HSPA4L: variants seen among roughly 807,000 people sequenced by gnomAD.
HSPA4L encodes the protein heat shock 70 kDa protein 4L.
In HSPA4L, 48 loss-of-function variants were observed where a neutral mutation model predicts 100.3. The ratio of observed to expected loss-of-function variants is 0.48; its 90% CI spans 0.38 to 0.61. HSPA4L has a LOEUF of 0.61. Ranked by LOEUF, HSPA4L falls within the 20% of genes least tolerant of loss-of-function variation. The probability of loss-of-function intolerance (pLI) is 0.00; values close to 1 mark genes in which losing one functional copy is unlikely to be tolerated. For synonymous variants in HSPA4L, 319 were observed against 328.2 expected, an observed-to-expected ratio of 0.97 and a Z score of 0.30; for missense variants, 886 against 988.6, an observed-to-expected ratio of 0.90 and a Z score of 1.39.
At chr4:127,815,650 A>G (rs1432020311) in intron 12 of HSPA4L, among the ~76,000 whole-genome samples, 1 of 152,018 alleles carries the variant, frequency 6.6e-6, no homozygotes, top group Non-Finnish European at 1.5e-5. Flanking sequence ...TATTTTTTTA[A>G]TTCCACATAT....
At chr4:127,802,398 T>C (rs1174681585) in intron 6 of HSPA4L, among the ~76,000 whole-genome samples, 1 of 152,212 alleles carries the variant, frequency 6.6e-6, no homozygotes. Context: ...TCCAGACTTA[T>C]GATCTCTCTC....
At position 127,833,553 on chromosome 4, in the gene HSPA4L, G is replaced by A. The variant is rs935486630; in HGVS notation, c.*679G>A. On this transcript the variant is annotated 3_prime_UTR_variant, in exon 19 of 19. Transcript: ENST00000296464. ...TCTCAGAGTAACTCGTTGTCTTTTC[G>A]CTTGAAATTTTTGATCTTGTCCTGA... The A allele has an allele frequency of 3.3e-5, 5 of 152,026 alleles. No individual in the cohort carries two copies. Among genetic ancestry groups the A allele is most frequent in the African/African-American group, 1.2e-4 (5 of 41,400 alleles). 9.4% of individuals were successfully genotyped at this position (152,026 alleles called of 1,614,324 possible).
intron 1 of HSPA4L, among the ~76,000 whole-genome samples, chr4:127,785,605 T>C (rs1193965486): frequency 6.6e-6 from 1 of 152,056 alleles, no homozygotes; most frequent in Non-Finnish European, 1.5e-5. Context: ...GCCTAGCTAT[T>C]TTTGTATTTT....
chr4:127,789,892 A>C (rs1184527399), intron 1 of HSPA4L, among the ~76,000 whole-genome samples: 1 of 152,210 alleles, frequency 6.6e-6, no homozygotes, highest in African/African-American at 2.4e-5. Context: ...TTTTTCTGAA[A>C]ATACTTGGCA....
intron 3 of HSPA4L, 72 bp from the exon 4 acceptor site, chr4:127,798,515 C>G (rs879746843): frequency 1.9e-5 from 27 of 1,459,088 alleles, no homozygotes; most frequent in Non-Finnish European, 2.5e-5. Flanking sequence ...ATCACATATA[C>G]AGTAGGTGCT....
chr4:127,782,602 G>T lies in HSPA4L; in HGVS notation c.52G>T (p.Ala18Ser). Residue 18 changes from alanine to serine, a missense_variant, in exon 1 of 19, where the codon GCG (alanine) becomes TCG (serine). Physicochemically the swap from Ala to Ser is moderately conservative, Grantham distance 99 (BLOSUM62 1). Transcript: ENST00000296464. Reference protein sequence around the residue: ...LGFLNCYIAVARSGGIETIAN... With the variant: ...LGFLNCYIAVSRSGGIETIAN... Reference sequence around the variant, plus strand: ...CTTTCTCAACTGCTACATTGCTGTCGCGAGAAGTGGCGGCATCGAGACCAT... The same window carrying T: ...CTTTCTCAACTGCTACATTGCTGTCTCGAGAAGTGGCGGCATCGAGACCAT... The T allele has an allele frequency of 6.2e-7, 1 of 1,613,994 alleles. No homozygotes were observed. The highest frequency in any genetic ancestry group is 8.5e-7 in the Non-Finnish European group (1 of 1,179,954).
rs1038893030 is a variant in HSPA4L, at chr4:127,830,819, G to T, written c.2328+20G>T. 2.0e-6 allele frequency: 3 copies of T among 1,503,586 alleles called. No individual in the cohort carries two copies. Among genetic ancestry groups the T allele is most frequent in the Non-Finnish European group, 2.7e-6 (3 of 1,125,532 alleles). 93.1% of individuals were successfully genotyped at this position (1,503,586 alleles called of 1,614,324 possible). ...TCAAAGGTAAGAAGTTTATGAAATTGCCTTTTTAATGGTTTCAAGTATTAA... is the reference window on the plus strand; with the variant it reads ...TCAAAGGTAAGAAGTTTATGAAATTTCCTTTTTAATGGTTTCAAGTATTAA... On this transcript the variant is annotated intron_variant, in intron 18 of 18. Coordinates refer to ENST00000296464, the MANE Select transcript of HSPA4L (RefSeq NM_014278.4).
intron 13 of HSPA4L, among the ~76,000 whole-genome samples, chr4:127,818,748 G>A (rs1158549789): frequency 6.6e-6 from 1 of 151,860 alleles, no homozygotes; most frequent in East Asian, 1.9e-4. Flanking sequence ...GGAGGGTGGA[G>A]GAGGGAGGGA....
Position 127,821,363 on chromosome 4 carries a change from CTT to C in HSPA4L, c.1812+801_1812+802del, listed in dbSNP as rs533332101. The stretch of plus-strand genomic sequence containing the variant: ...TGTATATAAAATGAGATTTTCTTAA[CTT>C]TTGAATGTCTCATTATTTTCACTTC... On this transcript the variant is annotated intron_variant, in intron 14 of 18. Coordinates refer to ENST00000296464, the MANE Select transcript of HSPA4L (RefSeq NM_014278.4). Among the ~76,000 whole-genome samples the C allele has an allele frequency of 5.7e-4, 86 of 152,146 alleles. 1 individual carries two copies. Among genetic ancestry groups the C allele is most frequent in the African/African-American group, 2.0e-3 (83 of 41,506 alleles).
intron 1 of HSPA4L, among the ~76,000 whole-genome samples, chr4:127,791,092 C>T (rs1420393403): frequency 4.6e-5 from 7 of 151,792 alleles, no homozygotes; most frequent in Non-Finnish European, 1.0e-4. Context: ...CAGAGCAAGA[C>T]CCTGTCTCCA....
At position 127,808,052 on chromosome 4, in the gene HSPA4L, T is replaced by C. The variant is rs1161713443; in HGVS notation, c.1301T>C (p.Phe434Ser). 2 of 1,612,926 alleles carry C rather than the reference T, an allele frequency of 1.2e-6. No homozygotes were observed. The highest frequency in any genetic ancestry group is 2.7e-5 in the African/African-American group (2 of 74,880). Residue 434 changes from phenylalanine to serine, a missense_variant, in exon 11 of 19, where the codon TTC (phenylalanine) becomes TCC (serine). By Grantham distance (155) the Phe-to-Ser change is radical (BLOSUM62 -2). Transcript: ENST00000296464. ...HPAPFSKVIT[F>S]HKKEPFELEA... ...GCCCCATTCTCAAAAGTCATTACTT[T>C]CCACAAGAAGGAACCATTTGAACTA...
chr4:127,783,528 C>G, intron 1 of HSPA4L: 1 of 1,498,910 alleles, frequency 6.7e-7, no homozygotes, highest in Non-Finnish European at 8.8e-7. Context: ...TCCACATGTT[C>G]CGTTGTTTCT....
chr4:127,782,294 A>G, upstream of HSPA4L: 2 of 472,022 alleles, frequency 4.2e-6, no homozygotes, highest in Non-Finnish European at 3.8e-6. Flanking sequence ...AGGTCCCAGT[A>G]ACCGCCGGTT....
In HSPA4L at chr4:127,835,775, T is replaced by TA. The variant is rs1734192611; in HGVS notation, c.*2904dup. The TA allele has an allele frequency of 6.6e-6, 1 of 150,728 alleles. No individual in the cohort carries two copies. The highest frequency in any genetic ancestry group is 2.4e-5 in the African/African-American group (1 of 40,966). 9.3% of individuals were successfully genotyped at this position (150,728 alleles called of 1,614,324 possible). On this transcript the variant is annotated 3_prime_UTR_variant, in exon 19 of 19. Coordinates refer to ENST00000296464, the MANE Select transcript of HSPA4L (RefSeq NM_014278.4). ...AGAATTTGGCTATTGAAATAACAGA[T>TA]AAACTTGATTTTGAAAAGGATAACA...
At position 127,803,694 on chromosome 4, in the gene HSPA4L, C is replaced by T; in HGVS notation, c.729C>T (p.Tyr243=). Reference sequence around the variant, plus strand: ...ACTTTGATGAGGCTTTAGTAGACTACTTCTGTGATGAGTTCAAGACCAAAT... The same window carrying T: ...ACTTTGATGAGGCTTTAGTAGACTATTTCTGTGATGAGTTCAAGACCAAAT... ...GRNFDEALVD[Y]FCDEFKTKYK... Residue 243 remains tyrosine, a synonymous_variant, in exon 7 of 19, where the codon TAC becomes TAT. Transcript: ENST00000296464. The T allele has an allele frequency of 6.2e-7, 1 of 1,613,646 alleles. No homozygotes were observed. The highest frequency in any genetic ancestry group is 8.5e-7 in the Non-Finnish European group (1 of 1,179,834).
chr4:127,786,572 C>T (rs576889623), intron 1 of HSPA4L, among the ~76,000 whole-genome samples: 5 of 152,188 alleles, frequency 3.3e-5, no homozygotes, highest in Admixed American at 6.5e-5. Flanking sequence ...CTCAAAGGAT[C>T]CTCCCACCTC....
chr4:127,823,664 CT>C, intron 16 of HSPA4L, 40 bp downstream of exon 16: 1 of 1,315,508 alleles, frequency 7.6e-7, no homozygotes, highest in Non-Finnish European at 1.1e-6. Context: ...AAACCAGTAA[CT>C]TTTTCTAAAA....
Position 127,819,219 on chromosome 4 carries a change from G to A in HSPA4L, c.1674+799G>A, listed in dbSNP as rs578022121. ...AATGTTAAAGGATAAATGATTTATT[G>A]AGAGTAATTATTTTTCTAAGATAGT... On this transcript the variant is annotated intron_variant, in intron 13 of 18. Coordinates refer to ENST00000296464, the MANE Select transcript of HSPA4L (RefSeq NM_014278.4). 1.8e-3 allele frequency among the ~76,000 whole-genome samples: 281 copies of A among 152,222 alleles called. 2 individuals carry two copies. Among genetic ancestry groups the A allele is most frequent in the African/African-American group, 6.3e-3 (262 of 41,554 alleles).
chr4:127,791,013 A>T (rs1017862639), intron 1 of HSPA4L, among the ~76,000 whole-genome samples: 1 of 151,994 alleles, frequency 6.6e-6, no homozygotes, highest in African/African-American at 2.4e-5. Context: ...AGATAGGAGG[A>T]TCGCTTGAGC....
Sources: gnomAD v4.1 joint callset for allele counts (sites outside exome capture counted in the v4.1 genomes callset) on GRCh38, gnomAD v4.1.1 for gene constraint, MANE v1.5 for transcripts, NCBI Gene and HGNC (gene_info 2026-07-23, HGNC 2026-07-21) for gene names.